The following ZNF536 variants were observed in gnomAD, a reference collection of about 807,000 sequenced individuals.
ZNF536 encodes the protein zinc finger protein 536.
In ZNF536, 13 loss-of-function variants were observed where a neutral mutation model predicts 84.5. The observed-to-expected ratio is 0.15, with a 90% CI of 0.10 to 0.24. The LOEUF (loss-of-function observed/expected upper bound fraction) is 0.24. ZNF536 is among the 10% of genes least tolerant of loss of function. The probability of loss-of-function intolerance (pLI) is 1.00; values close to 1 mark genes in which losing one functional copy is unlikely to be tolerated. For missense variants in ZNF536, 1,536 were observed against 1,747.5 expected (o/e 0.88, Z 2.16); for synonymous variants, 811 against 742.5 (o/e 1.09, Z -1.50).
intron 1 of ZNF536, among the ~76,000 whole-genome samples, chr19:30,373,914 G>C (rs1180070048): frequency 6.6e-6 from 1 of 152,198 alleles, no homozygotes; most frequent in Admixed American, 6.5e-5. Flanking sequence ...CACGCGGCCC[G>C]GCCCCAGCCC....
At chr19:30,319,397 A>G (rs1413468061) in intron 2 of ZNF536, among the ~76,000 whole-genome samples, 1 of 152,120 alleles carries the variant, frequency 6.6e-6, no homozygotes, top group Non-Finnish European at 1.5e-5. Context: ...CTAGTGAGCT[A>G]ATTTATTTTT....
chr19:30,678,197 G>A (rs955904162), intron 1 of ZNF536, among the ~76,000 whole-genome samples: 7 of 152,214 alleles, frequency 4.6e-5, no homozygotes, highest in African/African-American at 1.7e-4. Flanking sequence ...AAGCCTCCAT[G>A]GTACCACAGC....
rs2052218848 is a variant in ZNF536 at position 30,444,468 on chromosome 19, C to T, written c.906C>T (p.Cys302=). The change falls in exon 2 of 5, where the codon TGC becomes TGT. Residue 302 remains cysteine, a synonymous_variant. Transcript: ENST00000355537. ...GCATCTTGCACAAGCCCTACAAGTGCACGTTGTGCGACTTCGCGGCTTCGC... is the reference window on the plus strand; with the variant it reads ...GCATCTTGCACAAGCCCTACAAGTGTACGTTGTGCGACTTCGCGGCTTCGC... ...HIRILHKPYK[C]TLCDFAASQE... The T allele has an allele frequency of 6.2e-7, 1 of 1,610,696 alleles. No homozygotes were observed. The highest frequency in any genetic ancestry group is 1.1e-5 in the South Asian group (1 of 91,054).
At chr19:30,312,781 G>A (rs894818470) in intron 2 of ZNF536, among the ~76,000 whole-genome samples, 9 of 152,166 alleles carry the variant, frequency 5.9e-5, no homozygotes, top group South Asian at 4.1e-4. Context: ...ACTGTGCCTC[G>A]GGCGGCCTAG....
chr19:30,349,785 T>C (rs2047873085), intron 2 of ZNF536, among the ~76,000 whole-genome samples: 1 of 152,026 alleles, frequency 6.6e-6, no homozygotes, highest in Non-Finnish European at 1.5e-5. Context: ...TGGCCGGATA[T>C]AATATTAATT....
At chr19:30,311,793 G>A (rs1165831903) in intron 2 of ZNF536, among the ~76,000 whole-genome samples, 1 of 152,164 alleles carries the variant, frequency 6.6e-6, no homozygotes, top group Non-Finnish European at 1.5e-5. Flanking sequence ...TTAAGGCTAA[G>A]CGTGGTGGCT....
At chr19:30,375,852 CGT>C (rs375153875) in intron 1 of ZNF536, among the ~76,000 whole-genome samples, 18 of 151,708 alleles carry the variant, frequency 1.2e-4, no homozygotes, top group African/African-American at 2.9e-4. Flanking sequence ...CACTTGTATG[CGT>C]GTGTGTGTGT....
intron 1 of ZNF536, among the ~76,000 whole-genome samples, chr19:30,644,440 T>A (rs1236368853): frequency 1.3e-5 from 2 of 152,150 alleles, no homozygotes; most frequent in Non-Finnish European, 2.9e-5. Context: ...TATGTATACA[T>A]GTGCCATGCT....
At chr19:30,330,976 C>T (rs758749991) in intron 2 of ZNF536, among the ~76,000 whole-genome samples, 2 of 152,120 alleles carry the variant, frequency 1.3e-5, no homozygotes, top group African/African-American at 2.4e-5. Context: ...CTGGGAAAAT[C>T]AGGCTCAAGT....
intron 1 of ZNF536, among the ~76,000 whole-genome samples, chr19:30,629,557 T>C (rs966259890): frequency 2.0e-5 from 3 of 152,168 alleles, no homozygotes. Flanking sequence ...ATTATCTCTT[T>C]TGTAAAAGAA....
intron 4 of ZNF536, 82 bp from the exon 5 acceptor site, chr19:30,557,075 A>G (rs1045302615): frequency 9.1e-6 from 13 of 1,436,100 alleles, no homozygotes; most frequent in Non-Finnish European, 1.2e-5. Flanking sequence ...CGATTAGGGG[A>G]TGTGGCCCTG....
At chr19:30,446,045 C>T (rs147961026) in intron 2 of ZNF536, among the ~76,000 whole-genome samples, 1 of 151,794 alleles carries the variant, frequency 6.6e-6, no homozygotes, top group South Asian at 2.1e-4. Context: ...GCCAGGGATT[C>T]GAGGCCAGCC....
chr19:30,603,133 A>G (rs1429564858), intron 1 of ZNF536, among the ~76,000 whole-genome samples: 1 of 152,188 alleles, frequency 6.6e-6, no homozygotes, highest in Non-Finnish European at 1.5e-5. Flanking sequence ...TGGGGCTAAT[A>G]CATATATTCA....
At chr19:30,580,452 C>A (rs146387595) in intron 1 of ZNF536, among the ~76,000 whole-genome samples, 110 of 152,196 alleles carry the variant, frequency 7.2e-4, no homozygotes, top group African/African-American at 2.5e-3. Context: ...GTCAGGTGCC[C>A]GAGAAGCCAA....
chr19:30,676,379 C>G (rs537463458), intron 1 of ZNF536, among the ~76,000 whole-genome samples: 1 of 152,274 alleles, frequency 6.6e-6, no homozygotes, highest in African/African-American at 2.4e-5. Context: ...TCTGTGAGCC[C>G]CTTGTCAACA....
At chr19:30,609,872 A>G (rs2048032288) in intron 1 of ZNF536, among the ~76,000 whole-genome samples, 1 of 145,810 alleles carries the variant, frequency 6.9e-6, no homozygotes, top group Admixed American at 6.9e-5. Context: ...CCACCCATTT[A>G]TCCATCCATC....
chr19:30,573,207 C>T (rs913730155), intron 1 of ZNF536, among the ~76,000 whole-genome samples: 16 of 152,106 alleles, frequency 1.1e-4, no homozygotes, highest in African/African-American at 3.6e-4. Flanking sequence ...TCTCGAGGGC[C>T]CTGTGTGGTC....
chr19:30,660,996 C>T (rs901936851), intron 1 of ZNF536, among the ~76,000 whole-genome samples: 4 of 152,202 alleles, frequency 2.6e-5, no homozygotes, highest in Admixed American at 6.5e-5. Context: ...CCACTCCAGA[C>T]GTGAGCCCAG....
At chr19:30,376,631 G>A (rs1459457783) in intron 1 of ZNF536, among the ~76,000 whole-genome samples, 1 of 152,196 alleles carries the variant, frequency 6.6e-6, no homozygotes, top group Non-Finnish European at 1.5e-5. Flanking sequence ...TGTGGTGGGA[G>A]TGTCAGTGAG....
Sources: allele counts gnomAD v4.1 joint callset (sites outside exome capture counted in the v4.1 genomes callset), GRCh38; gene constraint gnomAD v4.1.1; transcripts MANE v1.5; gene names NCBI Gene and HGNC (gene_info 2026-07-23, HGNC 2026-07-21).